Variants in SGPP2 observed in about 807,000 individuals in gnomAD.
The protein encoded by SGPP2 is sphingosine 1-phosphate phosphohydrolase 2.
Under a neutral mutation model 33.9 loss-of-function variants are expected in SGPP2, and 30 were observed. That is an observed-to-expected ratio of 0.89 (90% CI 0.66 to 1.20). The LOEUF is 1.20. SGPP2 is among the 50% of genes most tolerant of loss of function. The pLI, the probability that SGPP2 is intolerant of heterozygous loss-of-function variation, is 0.00. For synonymous variants in SGPP2, 233 were observed against 225.0 expected (o/e 1.04, Z -0.32); for missense variants, 458 against 532.1 (o/e 0.86, Z 1.37).
chr2:222,467,933 A>G, intron 1 of SGPP2, among the ~76,000 whole-genome samples: 1 of 123,938 alleles, frequency 8.1e-6, no homozygotes, highest in Non-Finnish European at 1.7e-5. Context: ...GAAAATGTAT[A>G]TTTAAAGCTC....
At chr2:222,546,535 G>T (rs1168142041) in intron 4 of SGPP2, among the ~76,000 whole-genome samples, 1 of 152,134 alleles carries the variant, frequency 6.6e-6, no homozygotes, top group Non-Finnish European at 1.5e-5. Flanking sequence ...CTAGTTCCTA[G>T]TATGTAGAAG....
chr2:222,455,851 A>G (rs758810295), intron 1 of SGPP2, among the ~76,000 whole-genome samples: 66 of 152,182 alleles, frequency 4.3e-4, no homozygotes, highest in Non-Finnish European at 6.8e-4. Context: ...TCAGTGAGCT[A>G]TGATTGAACC....
At chr2:222,494,901 C>T (rs1320571209) in intron 2 of SGPP2, among the ~76,000 whole-genome samples, 2 of 152,152 alleles carry the variant, frequency 1.3e-5, no homozygotes, top group African/African-American at 4.8e-5. Context: ...GGAGACTTTT[C>T]TTTAACTTTC....
At chr2:222,452,481 C>G in intron 1 of SGPP2, 1 of 849,868 alleles carries the variant, frequency 1.2e-6, no homozygotes. Flanking sequence ...ACCTAGTTGT[C>G]TGCTTTATTA....
At chr2:222,431,838 C>G (rs1697162227) in intron 1 of SGPP2, among the ~76,000 whole-genome samples, 1 of 152,182 alleles carries the variant, frequency 6.6e-6, no homozygotes, top group South Asian at 2.1e-4. Flanking sequence ...CCAGTGCCCC[C>G]ACTTTAACCA....
Position 222,476,789 on chromosome 2 carries a change from C to T in SGPP2, c.378+2063C>T, listed in dbSNP as rs550392167. 6.7e-6 allele frequency among the ~76,000 whole-genome samples: 1 copy of T among 148,994 alleles called. No individual in the cohort carries two copies. Among genetic ancestry groups the T allele is most frequent in the African/African-American group, 2.5e-5 (1 of 40,486 alleles). On this transcript the variant is annotated intron_variant, in intron 2 of 4. Coordinates refer to ENST00000321276, the MANE Select transcript of SGPP2 (RefSeq NM_152386.4). This position sits in a 1 kb window ranked among gnomAD's most constrained non-coding sequence, Gnocchi z 4.3. Reference sequence around the variant, plus strand: ...GTGTATATATGCGTATGTGTGTATACAGGTGTGTGTATATCCGTGCGTGTA... The same window carrying T: ...GTGTATATATGCGTATGTGTGTATATAGGTGTGTGTATATCCGTGCGTGTA...
chr2:222,451,156 A>C (rs1312201336), intron 1 of SGPP2, among the ~76,000 whole-genome samples: 4 of 142,062 alleles, frequency 2.8e-5, no homozygotes, highest in African/African-American at 5.2e-5. Context: ...AAAAAAAAAA[A>C]CTGCAATCAG....
chr2:222,498,036 TC>T (rs934984632), intron 2 of SGPP2, among the ~76,000 whole-genome samples: 1 of 152,110 alleles, frequency 6.6e-6, no homozygotes, highest in African/African-American at 2.4e-5. Flanking sequence ...ATGACTTTCT[TC>T]TAGAAGCTTC....
intron 1 of SGPP2, among the ~76,000 whole-genome samples, chr2:222,461,326 C>T (rs755139773): frequency 3.9e-5 from 6 of 152,016 alleles, no homozygotes; most frequent in Middle Eastern, 3.2e-3. Flanking sequence ...CTAGCATGTC[C>T]GGCATTGGTC....
chr2:222,544,781 A>C (rs1203592545), intron 4 of SGPP2, among the ~76,000 whole-genome samples: 1 of 151,856 alleles, frequency 6.6e-6, no homozygotes, highest in African/African-American at 2.4e-5. Context: ...TGCCTGTGAC[A>C]TATTATTAAT....
intron 4 of SGPP2, among the ~76,000 whole-genome samples, chr2:222,546,727 C>G (rs765828223): frequency 6.6e-6 from 1 of 151,200 alleles, no homozygotes; most frequent in African/African-American, 2.4e-5. Context: ...TGCCTATTTG[C>G]GCTTATGTAT....
chr2:222,442,186 T>A (rs926297253), intron 1 of SGPP2, among the ~76,000 whole-genome samples: 6 of 152,226 alleles, frequency 3.9e-5, no homozygotes, highest in Non-Finnish European at 1.5e-5. Context: ...TTATATCTCC[T>A]CTTCCCTCTG....
intron 4 of SGPP2, among the ~76,000 whole-genome samples, chr2:222,526,902 A>G (rs568876814): frequency 2.6e-5 from 4 of 152,316 alleles, no homozygotes; most frequent in African/African-American, 7.2e-5. Context: ...AGGATGGTCA[A>G]TAGGTGCAGC....
At chr2:222,555,973 T>C (rs1399014386) in intron 4 of SGPP2, among the ~76,000 whole-genome samples, 1 of 152,212 alleles carries the variant, frequency 6.6e-6, no homozygotes, top group African/African-American at 2.4e-5. Context: ...TTCAGTGCGT[T>C]GATTGGCCTA....
chr2:222,443,123 T>C (rs1211662126), intron 1 of SGPP2, among the ~76,000 whole-genome samples: 1 of 152,212 alleles, frequency 6.6e-6, no homozygotes, highest in South Asian at 2.1e-4. Flanking sequence ...GAATGGCCAT[T>C]GTCTGGTGAA....
chr2:222,434,316 T>C (rs1697202778), intron 1 of SGPP2, among the ~76,000 whole-genome samples: 1 of 152,240 alleles, frequency 6.6e-6, no homozygotes, highest in South Asian at 2.1e-4. Flanking sequence ...ATAATAATTG[T>C]ATATGTTTAT....
At chr2:222,512,428 A>T (rs533948080) in intron 2 of SGPP2, among the ~76,000 whole-genome samples, 2 of 151,604 alleles carry the variant, frequency 1.3e-5, no homozygotes, top group Admixed American at 1.3e-4. Context: ...CACTACCAAA[A>T]TTCCCCGCCA....
intron 2 of SGPP2, among the ~76,000 whole-genome samples, chr2:222,501,785 A>G (rs1208147476): frequency 6.6e-6 from 1 of 152,216 alleles, no homozygotes; most frequent in African/African-American, 2.4e-5. Flanking sequence ...GCTTTTTTCA[A>G]CTAAACTTTT....
At chr2:222,512,310 C>A (rs1020944828) in intron 2 of SGPP2, among the ~76,000 whole-genome samples, 31 of 152,110 alleles carry the variant, frequency 2.0e-4, no homozygotes, top group African/African-American at 7.5e-4. Context: ...CATGCCTGTT[C>A]TAAACTTTTA....
Sources: allele counts gnomAD v4.1 joint callset (sites outside exome capture counted in the v4.1 genomes callset), GRCh38; gene constraint gnomAD v4.1.1; non-coding constraint Gnocchi (gnomAD v3.1); transcripts MANE v1.5; gene names NCBI Gene and HGNC (gene_info 2026-07-23, HGNC 2026-07-21).